Variants in ZFAT observed in about 807,000 individuals in gnomAD.
ZFAT encodes zinc finger and AT-hook domain containing, also known as zinc finger protein ZFAT.
Under a neutral mutation model 117.7 loss-of-function variants are expected in ZFAT, and 64 were observed. The ratio of observed to expected loss-of-function variants is 0.54; its 90% confidence interval spans 0.44 to 0.67. The LOEUF is 0.67. ZFAT is among the 30% of genes least tolerant of loss of function. The pLI is 0.00. For synonymous variants in ZFAT, 679 were observed against 615.0 expected, an observed-to-expected ratio of 1.10 and a Z score of -1.54; for missense variants, 1,433 against 1,584.5, an observed-to-expected ratio of 0.90 and a Z score of 1.62.
chr8:134,777,145 T>A, the ZFAT span, among the ~76,000 whole-genome samples: 11 of 152,212 alleles, frequency 7.2e-5, no homozygotes, highest in Non-Finnish European at 1.2e-4. Context: ...AAAATGAGGA[T>A]GAAAGAAGAT....
intron 1 of ZFAT, among the ~76,000 whole-genome samples, chr8:134,708,470 TAAA>T (rs925590556): frequency 1.3e-5 from 2 of 152,092 alleles, no homozygotes; most frequent in African/African-American, 4.8e-5. Flanking sequence ...TTTTTTAATT[TAAA>T]AAAAGATTAT....
the ZFAT span, among the ~76,000 whole-genome samples, chr8:134,777,773 T>C: frequency 2.6e-5 from 4 of 152,216 alleles, no homozygotes; most frequent in African/African-American, 7.2e-5. Context: ...TCTGCTTCTA[T>C]GACATTGTCT....
At chr8:134,568,635 C>A (rs1824652992) in intron 10 of ZFAT, among the ~76,000 whole-genome samples, 2 of 152,294 alleles carry the variant, frequency 1.3e-5, no homozygotes, top group Admixed American at 1.3e-4. Flanking sequence ...CAAGAGTCAG[C>A]CTTTTATGGA....
intron 15 of ZFAT, among the ~76,000 whole-genome samples, chr8:134,502,335 C>T (rs1819053823): frequency 6.6e-6 from 1 of 152,200 alleles, no homozygotes; most frequent in Admixed American, 6.5e-5. Context: ...GTCAGGGGAC[C>T]ACATTACTCA....
chr8:134,748,342 A>T, the ZFAT span, among the ~76,000 whole-genome samples: 1 of 152,216 alleles, frequency 6.6e-6, no homozygotes, highest in Non-Finnish European at 1.5e-5. Context: ...TTTGTTTTAC[A>T]TGGTTCTAGA....
chr8:134,547,964 A>G (rs1049363400), intron 11 of ZFAT, among the ~76,000 whole-genome samples: 3 of 152,204 alleles, frequency 2.0e-5, no homozygotes, highest in African/African-American at 7.2e-5. Flanking sequence ...AGAGGAGGGA[A>G]GAACTGAGAG....
chr8:134,574,042 G>C (rs1825124992), intron 10 of ZFAT, among the ~76,000 whole-genome samples: 1 of 152,230 alleles, frequency 6.6e-6, no homozygotes, highest in Non-Finnish European at 1.5e-5. Flanking sequence ...AGGAATACTT[G>C]TTATCCTAGC....
the ZFAT span, among the ~76,000 whole-genome samples, chr8:134,726,443 C>G: frequency 6.6e-6 from 1 of 152,158 alleles, no homozygotes; most frequent in Non-Finnish European, 1.5e-5. Flanking sequence ...GGCATTTTCC[C>G]CTTACCAGTC....
At chr8:134,764,545 C>T in the ZFAT span, among the ~76,000 whole-genome samples, 3 of 152,252 alleles carry the variant, frequency 2.0e-5, no homozygotes, top group East Asian at 3.9e-4. Context: ...ATTAGATAAA[C>T]GTGTAAACTT....
chr8:134,550,310 GAAAAAAAA>G lies in ZFAT; in HGVS notation c.2976+15015_2976+15022del, dbSNP rs10680896. Among the ~76,000 whole-genome samples, 27 of 72,540 alleles carry G rather than the reference GAAAAAAAA, an allele frequency of 3.7e-4. 1 individual carries two copies. The South Asian group carries it at 0.011, about 30-fold the overall frequency. 47.6% of individuals were successfully genotyped at this position (72,540 alleles called of 152,430 possible). The stretch of plus-strand genomic sequence containing the variant: ...ATTCCATCCAGGGTTGGTCACAACG[GAAAAAAAA>G]AAAAAAAAAAAAAACAGCACAGGGT... On this transcript the variant is annotated intron_variant, in intron 11 of 15. Transcript: ENST00000377838.
chr8:134,780,649 T>C, the ZFAT span, among the ~76,000 whole-genome samples: 2 of 152,176 alleles, frequency 1.3e-5, no homozygotes, highest in East Asian at 3.8e-4. Flanking sequence ...ATCTCAACTT[T>C]CACATGAGAA....
chr8:134,478,151 G>A lies in ZFAT; in HGVS notation c.*331C>T, dbSNP rs1366441096. ...GGCTGTGATTCAGGGAAGATGCTGA[G>A]GGGGACTGGGAGTCTCTGTTTGAAT... On this transcript the variant is annotated 3_prime_UTR_variant, in exon 16 of 16. Transcript: ENST00000377838. The surrounding 1 kb of genome is among the most constrained non-coding windows in gnomAD (Gnocchi z 5.2). The A allele has an allele frequency of 3.4e-5, 11 of 325,268 alleles. No individual in the cohort carries two copies. Among genetic ancestry groups the A allele is most frequent in the Middle Eastern group, 8.7e-4 (1 of 1,152 alleles). 20.1% of individuals were successfully genotyped at this position (325,268 alleles called of 1,614,324 possible).
At chr8:134,594,787 G>A (rs1275116269) in intron 7 of ZFAT, 6 of 152,186 alleles carry the variant, frequency 3.9e-5, no homozygotes, top group Non-Finnish European at 7.3e-5. Flanking sequence ...CCCAGAGTCA[G>A]AAAGTAACAT....
At chr8:134,669,161 A>G (rs544868013) in intron 1 of ZFAT, among the ~76,000 whole-genome samples, 2 of 152,322 alleles carry the variant, frequency 1.3e-5, no homozygotes, top group East Asian at 1.9e-4. Flanking sequence ...GAATGGAACC[A>G]AGGTGGAAAA....
chr8:134,637,886 T>G (rs540944018), intron 2 of ZFAT, among the ~76,000 whole-genome samples, 174 bp from the exon 3 acceptor site: 5 of 152,330 alleles, frequency 3.3e-5, no homozygotes, highest in African/African-American at 1.2e-4. Flanking sequence ...GCTAATATCA[T>G]TGCATCTGTG....
At chr8:134,545,388 G>A (rs769909450) in intron 11 of ZFAT, among the ~76,000 whole-genome samples, 3 of 152,032 alleles carry the variant, frequency 2.0e-5, no homozygotes, top group Middle Eastern at 3.4e-3. Flanking sequence ...GATGGCACAC[G>A]TCCTCCTGGT....
At chr8:134,558,620 T>C (rs746491443) in intron 11 of ZFAT, among the ~76,000 whole-genome samples, 1 of 152,202 alleles carries the variant, frequency 6.6e-6, no homozygotes, top group Non-Finnish European at 1.5e-5. Flanking sequence ...AAACATAATG[T>C]AATCTCATCG....
At chr8:134,686,973 G>C (rs1368428559) in intron 1 of ZFAT, among the ~76,000 whole-genome samples, 1 of 152,180 alleles carries the variant, frequency 6.6e-6, no homozygotes, top group Non-Finnish European at 1.5e-5. Context: ...CCTATGCAGA[G>C]GCTAACGTGC....
At chr8:134,772,933 A>G in the ZFAT span, among the ~76,000 whole-genome samples, 4 of 151,446 alleles carry the variant, frequency 2.6e-5, no homozygotes, top group African/African-American at 4.9e-5. Flanking sequence ...AACAACAACA[A>G]CAAAAAAAAC....
Sources: allele counts gnomAD v4.1 joint callset (sites outside exome capture counted in the v4.1 genomes callset), GRCh38; gene constraint gnomAD v4.1.1; non-coding constraint Gnocchi (gnomAD v3.1); transcripts MANE v1.5; gene names NCBI Gene and HGNC (gene_info 2026-07-23, HGNC 2026-07-21).